The following ZNF214 variants were observed in gnomAD, a reference collection of about 807,000 sequenced individuals.
ZNF214 encodes the protein zinc finger protein 214, also known as BWSCR2-associated zinc finger protein 1.
In ZNF214, 43 loss-of-function variants were observed where a neutral mutation model predicts 53.9. That is an observed-to-expected ratio of 0.80 (90% CI 0.63 to 1.03). The LOEUF (loss-of-function observed/expected upper bound fraction) is 1.03. ZNF214 is among the 50% of genes least tolerant of loss of function. ZNF214 has a pLI of 0.00. For synonymous variants in ZNF214, 217 were observed against 229.5 expected (o/e 0.95, Z 0.49); for missense variants, 724 against 719.1 (o/e 1.01, Z -0.08).
intron 1 of ZNF214, among the ~76,000 whole-genome samples, chr11:7,008,044 CTTAA>C (rs149916786): frequency 0.57 from 86,770 of 151,260 alleles, 25,749 homozygotes; most frequent in East Asian, 0.73. Flanking sequence ...TATAACAATT[CTTAA>C]TTGTTTTTTC....
chr11:7,006,778 C>T (rs144423274), intron 1 of ZNF214, among the ~76,000 whole-genome samples: 1,799 of 152,012 alleles, frequency 0.012, 34 homozygotes, highest in African/African-American at 0.04. Flanking sequence ...TTCTTCACAT[C>T]GCCACCTTTT....
At chr11:7,001,640 G>A (rs1851357674) in intron 2 of ZNF214, 85 bp from the exon 3 acceptor site, 1 of 1,441,916 alleles carries the variant, frequency 6.9e-7, no homozygotes, top group East Asian at 2.3e-5. Context: ...ACCTTTAAAT[G>A]ATAGGAATAT....
rs539309560 is a variant in ZNF214, at chr11:7,005,161, CAAAT to C, written c.-20-2310_-20-2307del. Reference sequence around the variant, plus strand: ...GATAAATATAAATAATTCTATATGACAAATAGATATATTTCTGTATGATAAACTT... The same window carrying C: ...GATAAATATAAATAATTCTATATGACAGATATATTTCTGTATGATAAACTT... On this transcript the variant is annotated intron_variant, in intron 1 of 2. Transcript: ENST00000278314. 2.1e-3 allele frequency among the ~76,000 whole-genome samples: 323 copies of C among 151,538 alleles called. 2 individuals carry two copies. The highest frequency in any genetic ancestry group is 7.4e-3 in the African/African-American group (305 of 41,380).
chr11:7,007,951 A>G (rs1851512545), intron 1 of ZNF214, among the ~76,000 whole-genome samples: 2 of 152,168 alleles, frequency 1.3e-5, no homozygotes, highest in Non-Finnish European at 2.9e-5. Context: ...GAAATTATTA[A>G]CAATAGAATT....
At chr11:7,002,607 C>A (rs1296838854) in intron 2 of ZNF214, 102 bp downstream of exon 2, 2 of 1,252,750 alleles carry the variant, frequency 1.6e-6, no homozygotes, top group Non-Finnish European at 2.1e-6. Flanking sequence ...TTGAGAATAT[C>A]TCTTCCAACA....
At chr11:7,010,928 T>C (rs568935420) in intron 1 of ZNF214, among the ~76,000 whole-genome samples, 2 of 149,042 alleles carry the variant, frequency 1.3e-5, no homozygotes, top group South Asian at 4.3e-4. Flanking sequence ...TGTACCTAAA[T>C]AAATGGATCA....
In ZNF214 at chr11:7,000,646, T is replaced by G; in HGVS notation, c.1037A>C (p.His346Pro). ...DKDLSRNSLL[H>P]IHQRLHIGEK... ...TCCTATGTGAAGTCTCTGGTGAATG[T>G]GAAGTAATGAATTTCTACTGAGGTC... The change falls in exon 3 of 3, where the codon CAC (histidine) becomes CCC (proline). Residue 346 changes from histidine to proline, a missense_variant. By Grantham distance (77) the His-to-Pro change is moderately conservative (BLOSUM62 -2). Coordinates refer to ENST00000278314, the MANE Select transcript of ZNF214 (RefSeq NM_013249.4). 2 of 1,598,902 alleles carry G rather than the reference T, an allele frequency of 1.3e-6. No homozygotes were observed. Among genetic ancestry groups the G allele is most frequent in the Non-Finnish European group, 1.7e-6 (2 of 1,174,932 alleles).
In ZNF214 at chr11:7,002,872, T is replaced by G; in HGVS notation, c.-20-17A>C. On this transcript the variant is annotated splice_polypyrimidine_tract_variant and intron_variant, in intron 1 of 2. Transcript: ENST00000278314. Reference sequence around the variant, plus strand: ...TCAGGCTTTCTAGGAAAAAGAAATCTAAGTGAGAAGATGGACAAAGATAAA... The same window carrying G: ...TCAGGCTTTCTAGGAAAAAGAAATCGAAGTGAGAAGATGGACAAAGATAAA... 6.4e-7 allele frequency: 1 copy of G among 1,560,664 alleles called. No individual in the cohort carries two copies.
chr11:7,012,325 T>C (rs1041747383), intron 1 of ZNF214, among the ~76,000 whole-genome samples: 1 of 152,050 alleles, frequency 6.6e-6, no homozygotes, highest in African/African-American at 2.4e-5. Context: ...TGATTAACTA[T>C]ATGAGATAAA....
rs187712735 is a variant in ZNF214 at position 6,999,050 on chromosome 11, A to C, written c.*812T>G. 1.9e-4 allele frequency among the ~76,000 whole-genome samples: 29 copies of C among 152,102 alleles called. No homozygotes were observed. The highest frequency in any genetic ancestry group is 1.7e-3 in the Admixed American group (26 of 15,240). On this transcript the variant is annotated 3_prime_UTR_variant, in exon 3 of 3. Coordinates refer to ENST00000278314, the MANE Select transcript of ZNF214 (RefSeq NM_013249.4). Reference sequence around the variant, plus strand: ...TTCTACTGAGATTAAATAAAATTCTACTGCTTGGATCTCTAATTCCGAACC... The same window carrying C: ...TTCTACTGAGATTAAATAAAATTCTCCTGCTTGGATCTCTAATTCCGAACC...
At position 7,001,381 on chromosome 11, in the gene ZNF214, G is replaced by T; in HGVS notation, c.302C>A (p.Ser101Tyr). 1 of 1,613,216 alleles carries T rather than the reference G, an allele frequency of 6.2e-7. No individual in the cohort carries two copies. The highest frequency in any genetic ancestry group is 8.5e-7 in the Non-Finnish European group (1 of 1,179,428). ...DSKDLTQQDRSQCQEWLILST... is the reference protein window; with the variant it reads ...DSKDLTQQDRYQCQEWLILST... ...GAGTATTAACCATTCCTGACACTGGGAACGATCTTGCTGTGTGAGGTCTTT... is the reference window on the plus strand; with the variant it reads ...GAGTATTAACCATTCCTGACACTGGTAACGATCTTGCTGTGTGAGGTCTTT... The change falls in exon 3 of 3, where the codon TCC (serine) becomes TAC (tyrosine). Residue 101 changes from serine (S) to tyrosine (Y), a missense_variant. Physicochemically the swap from Ser to Tyr is moderately radical, Grantham distance 144. Transcript: ENST00000278314.
At chr11:7,012,360 C>A (rs1851624837) in intron 1 of ZNF214, among the ~76,000 whole-genome samples, 1 of 151,846 alleles carries the variant, frequency 6.6e-6, no homozygotes, top group African/African-American at 2.4e-5. Context: ...CAACTTAATA[C>A]CATATACAAT....
rs1851223044 is a variant in ZNF214, at chr11:6,997,814, T to C, written c.*2048A>G. ...ACCCTTATACTAAAACAATTATTCT[T>C]TGCTTATATGAAATTCAAACTTAAC... On this transcript the variant is annotated 3_prime_UTR_variant, in exon 3 of 3. Coordinates refer to ENST00000278314, the MANE Select transcript of ZNF214 (RefSeq NM_013249.4). Among the ~76,000 whole-genome samples the C allele has an allele frequency of 6.6e-6, 1 of 151,914 alleles. No homozygotes were observed. The highest frequency in any genetic ancestry group is 1.5e-5 in the Non-Finnish European group (1 of 67,880).
rs1459726561 is a variant in ZNF214, at chr11:6,997,723, T to C, written c.*2139A>G. ...CGGATGTAGCAACTAAAAACAGAAA[T>C]GACCAGTTAAATTTGAATTTCAAAT... On this transcript the variant is annotated 3_prime_UTR_variant, in exon 3 of 3. Coordinates refer to ENST00000278314, the MANE Select transcript of ZNF214 (RefSeq NM_013249.4). Among the ~76,000 whole-genome samples the C allele has an allele frequency of 1.3e-5, 2 of 151,724 alleles. No homozygotes were observed.
At chr11:7,018,577 C>T (rs55774474) in intron 1 of ZNF214, among the ~76,000 whole-genome samples, 5 of 135,774 alleles carry the variant, frequency 3.7e-5, no homozygotes, top group African/African-American at 8.2e-5. Flanking sequence ...TCCTGGCTCA[C>T]TGCAACTTCA....
chr11:7,001,789 C>A lies in ZNF214; in HGVS notation c.128-234G>T, dbSNP rs530958090. ...ATTCCACAAACATATCTTGAGCAGG[C>A]ACTGTTAGAAAGATTTAACTTCTAT... On this transcript the variant is annotated intron_variant, in intron 2 of 2. Coordinates refer to ENST00000278314, the MANE Select transcript of ZNF214 (RefSeq NM_013249.4). 1.2e-3 allele frequency among the ~76,000 whole-genome samples: 181 copies of A among 152,050 alleles called. 2 individuals are homozygous for A. The highest frequency in any genetic ancestry group is 6.8e-3 in the Middle Eastern group (2 of 294).
intron 1 of ZNF214, among the ~76,000 whole-genome samples, chr11:7,013,430 T>C (rs978049413): frequency 1.3e-5 from 2 of 152,240 alleles, no homozygotes; most frequent in African/African-American, 4.8e-5. Flanking sequence ...TCCTTGCTTC[T>C]AGCCCTCCTA....
chr11:7,017,717 C>T lies in ZNF214; in HGVS notation c.-21+2356G>A, dbSNP rs577476021. 1.0e-4 allele frequency among the ~76,000 whole-genome samples: 15 copies of T among 146,728 alleles called. No homozygotes were observed. In the South Asian group the frequency reaches 1.3e-3, roughly 13 times the overall value. The stretch of plus-strand genomic sequence containing the variant: ...TTATGCCACTGCACTCCAGTCTGGG[C>T]GACAGAGCGAGACTCCGTCTCAAAA... On this transcript the variant is annotated intron_variant, in intron 1 of 2. Transcript: ENST00000278314.
chr11:7,007,679 T>C (rs1420295299), intron 1 of ZNF214, among the ~76,000 whole-genome samples: 3 of 151,968 alleles, frequency 2.0e-5, no homozygotes, highest in East Asian at 1.9e-4. Context: ...TAATGATAGA[T>C]ATTAATATGT....
Sources: gnomAD v4.1 joint callset for allele counts (sites outside exome capture counted in the v4.1 genomes callset) on GRCh38, gnomAD v4.1.1 for gene constraint, MANE v1.5 for transcripts, NCBI Gene and HGNC (gene_info 2026-07-23, HGNC 2026-07-21) for gene names.